The following GRM4 variants were observed in gnomAD, a reference collection of about 807,000 sequenced individuals.
GRM4 encodes glutamate metabotropic receptor 4.
GRM4 carries 28 observed loss-of-function variants against 81.7 expected under a neutral mutation model. That is an observed-to-expected ratio of 0.34 (90% CI 0.25 to 0.47). The LOEUF is 0.47. Ranked by LOEUF, GRM4 falls within the 20% of genes least tolerant of loss-of-function variation. The pLI is 1.00. For synonymous variants in GRM4, 488 were observed against 528.8 expected (o/e 0.92, Z 1.06); for missense variants, 948 against 1,290.0 (o/e 0.73, Z 4.06).
chr6:34,119,484 G>A (rs2127503013), intron 2 of GRM4, among the ~76,000 whole-genome samples: 1 of 152,312 alleles, frequency 6.6e-6, no homozygotes, highest in African/African-American at 2.4e-5. Context: ...CCTCCTTCTG[G>A]GCATGTCCTG....
chr6:34,116,777 C>G (rs79129110), intron 2 of GRM4, among the ~76,000 whole-genome samples: 1,744 of 152,206 alleles, frequency 0.011, 10 homozygotes, highest in Non-Finnish European at 0.019. Flanking sequence ...CCAGTGGCAG[C>G]AGAAAGGGTA....
chr6:34,155,218 A>C (rs1431764115), exon 1 of GRM4: 1 of 1,535,380 alleles, frequency 6.5e-7, no homozygotes, highest in African/African-American at 1.4e-5. Context: ...TCTTGTGCGC[A>C]CCCACACACA....
At chr6:34,055,723 G>A (rs575782474) in intron 6 of GRM4, 1 of 152,372 alleles carries the variant, frequency 6.6e-6, no homozygotes, top group South Asian at 2.1e-4. Context: ...GCTACCTAGG[G>A]GGCGGGGGCC....
intron 10 of GRM4, chr6:34,024,379 G>A (rs539777122): frequency 3.8e-6 from 1 of 261,276 alleles, no homozygotes; most frequent in South Asian, 4.8e-5. Context: ...GGAGCCAATG[G>A]AGCAACAAGA....
chr6:34,044,889 TAC>T (rs796875330), intron 6 of GRM4, among the ~76,000 whole-genome samples: 3,758 of 126,778 alleles, frequency 0.03, 258 homozygotes, highest in African/African-American at 0.094. Context: ...TATACAGACA[TAC>T]ACATACACAC....
At chr6:34,103,047 A>G (rs989758593) in intron 2 of GRM4, among the ~76,000 whole-genome samples, 6 of 152,148 alleles carry the variant, frequency 3.9e-5, no homozygotes, top group African/African-American at 1.4e-4. Context: ...TCCCTCTGGC[A>G]TCCCTCACCT....
In GRM4 at chr6:34,068,936, AT is replaced by A. The variant is rs555273440; in HGVS notation, c.737-6909del. Among the ~76,000 whole-genome samples the A allele has an allele frequency of 5.9e-5, 9 of 152,008 alleles. No individual in the cohort carries two copies. Among genetic ancestry groups the A allele is most frequent in the South Asian group, 2.1e-4 (1 of 4,790 alleles). ...CGCTTTCTCCCTTCCTTTAAAAAGAATTTTTTTTTAATTTAAAAAGAGAGGA... is the reference window on the plus strand; with the variant it reads ...CGCTTTCTCCCTTCCTTTAAAAAGAATTTTTTTTAATTTAAAAAGAGAGGA... On this transcript the variant is annotated intron_variant, in intron 3 of 10. Transcript: ENST00000538487. This position sits in a 1 kb window ranked among gnomAD's most constrained non-coding sequence, Gnocchi z 4.2.
Position 34,141,205 on chromosome 6 carries a change from C to T in GRM4, c.-364+4795G>A, listed in dbSNP as rs577253893. 2.0e-4 allele frequency among the ~76,000 whole-genome samples: 31 copies of T among 152,312 alleles called. No homozygotes were observed. The South Asian group carries it at 4.4e-3, about 21-fold the overall frequency. On this transcript the variant is annotated intron_variant, in intron 1 of 10. Coordinates refer to ENST00000538487, the MANE Select transcript of GRM4 (RefSeq NM_000841.4). Reference sequence around the variant, plus strand: ...TGTGAAGGACTGGGTGGAACCCAGACCTCCTGGTTCCCATGCTGGTGGCCC... The same window carrying T: ...TGTGAAGGACTGGGTGGAACCCAGATCTCCTGGTTCCCATGCTGGTGGCCC...
intron 2 of GRM4, among the ~76,000 whole-genome samples, chr6:34,103,408 C>G (rs1217428401): frequency 6.6e-6 from 1 of 152,162 alleles, no homozygotes; most frequent in Non-Finnish European, 1.5e-5. Context: ...GAGGGGAGAG[C>G]CTCGGCAGGG....
chr6:34,146,805 T>A (rs969995135), upstream of GRM4, among the ~76,000 whole-genome samples: 6 of 152,190 alleles, frequency 3.9e-5, no homozygotes, highest in African/African-American at 1.4e-4. Context: ...CGGCCAACCC[T>A]AATTTCTACA....
At chr6:34,028,804 G>A (rs963403950) in intron 9 of GRM4, among the ~76,000 whole-genome samples, 2 of 152,156 alleles carry the variant, frequency 1.3e-5, no homozygotes, top group African/African-American at 4.8e-5. Flanking sequence ...GGCTGAGGGC[G>A]AGAGGAGCAC....
At chr6:34,140,688 C>G in intron 1 of GRM4, among the ~76,000 whole-genome samples, 1 of 152,132 alleles carries the variant, frequency 6.6e-6, no homozygotes, top group East Asian at 1.9e-4. Flanking sequence ...ACCCCCAGGC[C>G]TCTCCTCCCC....
rs1763961580 is a variant in GRM4 at position 34,022,970 on chromosome 6, TC to T, written c.2690-101del. ...GCCCTGCACAAGAACCTACCATAGCTCCCCGCCTCTCATGGCATCCAGTCCT... is the reference window on the plus strand; with the variant it reads ...GCCCTGCACAAGAACCTACCATAGCTCCCGCCTCTCATGGCATCCAGTCCT... On this transcript the variant is annotated intron_variant, in intron 10 of 10. Transcript: ENST00000538487. The surrounding 1 kb of genome is among the most constrained non-coding windows in gnomAD (Gnocchi z 5.6). The T allele has an allele frequency of 2.3e-6, 2 of 875,194 alleles. No homozygotes were observed. Among genetic ancestry groups the T allele is most frequent in the Non-Finnish European group, 3.8e-6 (2 of 526,876 alleles). 54.2% of individuals were successfully genotyped at this position (875,194 alleles called of 1,614,324 possible).
At position 34,028,107 on chromosome 6, in the gene GRM4, G is replaced by A. The variant is rs1236505097; in HGVS notation, c.2689+13C>T. 2 of 1,606,566 alleles carry A rather than the reference G, an allele frequency of 1.2e-6. No individual in the cohort carries two copies. Among genetic ancestry groups the A allele is most frequent in the Non-Finnish European group, 1.7e-6 (2 of 1,175,742 alleles). ...CTGGGGCCCGAGAGGGCAGAACGGG[G>A]CCAGGCACTCACCTGGGGCCTCAAG... is the stretch of plus-strand genomic sequence containing the variant. On this transcript the variant is annotated intron_variant, in intron 10 of 10. Transcript: ENST00000538487.
chr6:34,039,218 G>A (rs1312661368), intron 8 of GRM4, among the ~76,000 whole-genome samples: 5 of 152,198 alleles, frequency 3.3e-5, no homozygotes, highest in African/African-American at 1.2e-4. Flanking sequence ...GGTTTTCCTG[G>A]GAGATTTCCT....
chr6:34,054,865 C>A (rs1323724560), intron 6 of GRM4: 2 of 152,184 alleles, frequency 1.3e-5, no homozygotes, highest in African/African-American at 4.8e-5. Flanking sequence ...CTTCCAAGAA[C>A]CGAAGGGGAT....
At chr6:34,025,734 G>C (rs1254626773) in intron 10 of GRM4, among the ~76,000 whole-genome samples, 1 of 152,214 alleles carries the variant, frequency 6.6e-6, no homozygotes, top group East Asian at 1.9e-4. Flanking sequence ...TGCTGTGGGG[G>C]AATCTCGACA....
Position 34,104,188 on chromosome 6 carries a change from G to A in GRM4, c.520-12089C>T, listed in dbSNP as rs144480691. 2.2e-3 allele frequency among the ~76,000 whole-genome samples: 337 copies of A among 152,364 alleles called. 3 individuals carry two copies. Among genetic ancestry groups the A allele is most frequent in the African/African-American group, 7.2e-3 (300 of 41,594 alleles). On this transcript the variant is annotated intron_variant, in intron 2 of 10. Coordinates refer to ENST00000538487, the MANE Select transcript of GRM4 (RefSeq NM_000841.4). ...TTAGGTCACACCCAAATGTCCAAGG[G>A]GCAGAGAGAGCTGGGGGCAGCCCAG...
chr6:34,097,606 G>C (rs1311943179), intron 2 of GRM4, among the ~76,000 whole-genome samples: 2 of 152,242 alleles, frequency 1.3e-5, no homozygotes, highest in African/African-American at 4.8e-5. Flanking sequence ...CACAGCTCCA[G>C]CTCTGGGTAA....
Sources: gnomAD v4.1 joint callset for allele counts (sites outside exome capture counted in the v4.1 genomes callset) on GRCh38, gnomAD v4.1.1 for gene constraint, Gnocchi (gnomAD v3.1) non-coding constraint, MANE v1.5 for transcripts, NCBI Gene and HGNC (gene_info 2026-07-23, HGNC 2026-07-21) for gene names.